TEX15: variants seen among roughly 807,000 people sequenced by gnomAD.
The protein encoded by TEX15 is testis expressed 15, meiosis and synapsis associated, also known as testis-expressed protein 15.
TEX15 carries 171 observed loss-of-function variants against 237.3 expected under a neutral mutation model. The ratio of observed to expected loss-of-function variants is 0.72; its 90% CI spans 0.64 to 0.82. The LOEUF (loss-of-function observed/expected upper bound fraction) is 0.82, where lower values mean the gene tolerates loss of function less well. TEX15 is among the 40% of genes least tolerant of loss of function. TEX15 has a pLI of 0.00. For missense variants in TEX15, 3,750 were observed against 3,646.5 expected (o/e 1.03, Z -0.73); for synonymous variants, 1,338 against 1,269.8 (o/e 1.05, Z -1.14).
At chr8:30,883,485 T>G (rs1250032756) in intron 3 of TEX15, among the ~76,000 whole-genome samples, 1 of 152,094 alleles carries the variant, frequency 6.6e-6, no homozygotes, top group African/African-American at 2.4e-5. Context: ...TTGACCTATG[T>G]CATCTAAGTT....
At chr8:30,864,143 T>C (rs907228308) in intron 5 of TEX15, among the ~76,000 whole-genome samples, 5 of 151,734 alleles carry the variant, frequency 3.3e-5, no homozygotes, top group Admixed American at 6.6e-5. Context: ...AGAAATCCAA[T>C]AGCTGAAAAG....
At chr8:30,895,743 C>T (rs927945741) in intron 2 of TEX15, among the ~76,000 whole-genome samples, 6 of 124,560 alleles carry the variant, frequency 4.8e-5, no homozygotes, top group Admixed American at 2.1e-4. Flanking sequence ...TGCAGTGGTG[C>T]GATCTCGGCT....
chr8:30,849,373 TA>T lies in TEX15; in HGVS notation c.851-58del, dbSNP rs1158601607. The T allele has an allele frequency of 3.2e-6, 3 of 938,740 alleles. No homozygotes were observed. In the Admixed American group the frequency reaches 8.5e-5, roughly 26 times the overall value. 58.2% of individuals were successfully genotyped at this position (938,740 alleles called of 1,614,324 possible). A position where few individuals can be genotyped will look rare whatever the true frequency, so the allele number is the denominator to read the frequency against. On this transcript the variant is annotated intron_variant, in intron 7 of 10. Coordinates refer to ENST00000643185, the MANE Select transcript of TEX15 (RefSeq NM_001350162.2). ...AAAAAGTGTTTCTATAGACAACTAT[TA>T]ATACAGGTACATTGTGTCCAGTAAT... is the stretch of plus-strand genomic sequence containing the variant.
At chr8:30,872,421 AGTACACAATACT>A (rs1220083296) in intron 4 of TEX15, among the ~76,000 whole-genome samples, 4 of 152,148 alleles carry the variant, frequency 2.6e-5, no homozygotes, top group African/African-American at 9.7e-5. Context: ...GATTATGTAC[AGTACACAATACT>A]TGTTAATAAT....
At chr8:30,889,778 G>GT (rs1221244512) in intron 2 of TEX15, among the ~76,000 whole-genome samples, 2 of 150,956 alleles carry the variant, frequency 1.3e-5, no homozygotes, top group Admixed American at 6.6e-5. Context: ...TTTTGTTTGG[G>GT]TTTTTTTGGT....
At chr8:30,866,805 C>T (rs1011317997) in intron 5 of TEX15, among the ~76,000 whole-genome samples, 1 of 151,856 alleles carries the variant, frequency 6.6e-6, no homozygotes. Flanking sequence ...TTAACGTTAA[C>T]ATCTTACATA....
At chr8:30,874,889 T>C in intron 4 of TEX15, 48 bp downstream of exon 4, 2 of 1,155,860 alleles carry the variant, frequency 1.7e-6, no homozygotes, top group Non-Finnish European at 2.2e-6. Context: ...AACTCCATAG[T>C]AACAAACACA....
intron 8 of TEX15, among the ~76,000 whole-genome samples, chr8:30,840,954 G>A (rs889232960): frequency 8.6e-5 from 13 of 151,942 alleles, no homozygotes; most frequent in African/African-American, 2.9e-4. Context: ...GTCTTACTCT[G>A]TCCTCCCAGC....
intron 7 of TEX15, among the ~76,000 whole-genome samples, chr8:30,854,673 C>A (rs1302706109): frequency 6.6e-6 from 1 of 152,010 alleles, no homozygotes; most frequent in Admixed American, 6.6e-5. Flanking sequence ...ACCACCAAAA[C>A]CAGACAAAGA....
At position 30,833,191 on chromosome 8, in the gene TEX15, CA is replaced by C; in HGVS notation, c.*94del. Reference sequence around the variant, plus strand: ...TGATTTATATTTCCTACCACATTTACAAACATTAAAAATCGCTAAATGTTAA... The same window carrying C: ...TGATTTATATTTCCTACCACATTTACAACATTAAAAATCGCTAAATGTTAA... On this transcript the variant is annotated 3_prime_UTR_variant, in exon 11 of 11. Transcript: ENST00000643185. 1 of 801,084 alleles carries C rather than the reference CA, an allele frequency of 1.2e-6. No homozygotes were observed. Among genetic ancestry groups the C allele is most frequent in the African/African-American group, 1.8e-5 (1 of 56,680 alleles). 49.6% of individuals were successfully genotyped at this position (801,084 alleles called of 1,614,324 possible).
At position 30,842,050 on chromosome 8, in the gene TEX15, T is replaced by C. The variant is rs747496766; in HGVS notation, c.8117A>G (p.Gln2706Arg). ...PSTVDKCEDS[Q>R]EQQQDTTVSS... ...AACAGTAGTATCTTGCTGTTGTTCC[T>C]GAGAGTCTTCACATTTGTCTACAGT... Residue 2706 changes from glutamine (Q) to arginine (R), a missense_variant, in exon 8 of 11, where the codon CAG becomes CGG. Transcript: ENST00000643185. The C allele has an allele frequency of 6.2e-7, 1 of 1,609,782 alleles. No homozygotes were observed. Among genetic ancestry groups the C allele is most frequent in the Non-Finnish European group, 8.5e-7 (1 of 1,178,944 alleles).
rs568461656 is a variant in TEX15 at position 30,887,025 on chromosome 8, A to G, written c.136+142T>C. ...CATCTATTCTATTTTGAGTGGAAAC[A>G]TAAGTACATGTATGTTTAAGGAATT... On this transcript the variant is annotated intron_variant, in intron 3 of 10. Coordinates refer to ENST00000643185, the MANE Select transcript of TEX15 (RefSeq NM_001350162.2). 4 of 663,506 alleles carry G rather than the reference A, an allele frequency of 6.0e-6. No homozygotes were observed. In the Admixed American group the frequency reaches 1.0e-4, roughly 17 times the overall value. 41.1% of individuals were successfully genotyped at this position (663,506 alleles called of 1,614,324 possible).
Position 30,846,512 on chromosome 8 carries a change from C to T in TEX15, c.3655G>A (p.Glu1219Lys). ...PFGENADYPC[E>K]DKVDNIRQES... ...TGCCTTATATTATCAACTTTATCTT[C>T]ACATGGATAATCTGCATTTTCACCA... The change falls in exon 8 of 11, where the codon GAA becomes AAA. Residue 1219 changes from glutamate to lysine, a missense_variant. Glu to Lys is a moderately conservative substitution (Grantham distance 56, BLOSUM62 1). Coordinates refer to ENST00000643185, the MANE Select transcript of TEX15 (RefSeq NM_001350162.2). 1 of 1,613,630 alleles carries T rather than the reference C, an allele frequency of 6.2e-7. No individual in the cohort carries two copies. Among genetic ancestry groups the T allele is most frequent in the Non-Finnish European group, 8.5e-7 (1 of 1,179,744 alleles).
chr8:30,849,119 T>G lies in TEX15; in HGVS notation c.1048A>C (p.Asn350His), dbSNP rs746056188. ...SNSYGNVQNGNISIPETYSGQ... is the reference protein window; with the variant it reads ...SNSYGNVQNGHISIPETYSGQ... The stretch of plus-strand genomic sequence containing the variant: ...CTGTATGTTTCAGGTATAGAAATGT[T>G]TCCATTTTGTACATTTCCATAGGAG... Residue 350 changes from asparagine (N) to histidine (H), a missense_variant, in exon 8 of 11, where the codon AAC (asparagine) becomes CAC (histidine). Transcript: ENST00000643185. The G allele has an allele frequency of 6.2e-7, 1 of 1,602,092 alleles. No homozygotes were observed.
At chr8:30,835,401 A>C (rs1359818010) in intron 10 of TEX15, among the ~76,000 whole-genome samples, 3 of 152,008 alleles carry the variant, frequency 2.0e-5, no homozygotes, top group Non-Finnish European at 4.4e-5. Context: ...AATAAAAATA[A>C]AAATTAAAAA....
chr8:30,851,805 T>G (rs1807792686), intron 7 of TEX15, among the ~76,000 whole-genome samples: 1 of 151,478 alleles, frequency 6.6e-6, no homozygotes, highest in Non-Finnish European at 1.5e-5. Flanking sequence ...TGGTGGCACA[T>G]TGCCTGTAGT....
Position 30,844,633 on chromosome 8 carries a change from C to T in TEX15, c.5534G>A (p.Trp1845Ter). Residue 1845 changes from tryptophan (W) to a stop codon, truncating the protein, a stop_gained, in exon 8 of 11, where the codon TGG (tryptophan) becomes TAG (stop). Coordinates refer to ENST00000643185, the MANE Select transcript of TEX15 (RefSeq NM_001350162.2). LOFTEE classifies it high-confidence loss of function. ...TGCTTTTTCCGCTTGTTTAACTTTCCACGTTATTCTGTCCTCAGTGTCTTT... is the reference window on the plus strand; with the variant it reads ...TGCTTTTTCCGCTTGTTTAACTTTCTACGTTATTCTGTCCTCAGTGTCTTT... ...VKKDTEDRIT[W>*]KVKQAEKAKD... is the part of the protein sequence containing the mutation. 1 of 1,613,214 alleles carries T rather than the reference C, an allele frequency of 6.2e-7. No homozygotes were observed. The highest frequency in any genetic ancestry group is 8.5e-7 in the Non-Finnish European group (1 of 1,179,558).
At chr8:30,858,225 C>A (rs577537870) in intron 7 of TEX15, among the ~76,000 whole-genome samples, 22 of 151,968 alleles carry the variant, frequency 1.4e-4, no homozygotes, top group South Asian at 4.1e-4. Flanking sequence ...GAGCAAAATA[C>A]CTGCAGTATG....
intron 1 of TEX15, among the ~76,000 whole-genome samples, chr8:30,900,721 T>C (rs1206814224): frequency 6.6e-6 from 1 of 152,034 alleles, no homozygotes; most frequent in Non-Finnish European, 1.5e-5. Flanking sequence ...GGCAAAAGAG[T>C]GGCATACAAA....
Sources: allele counts gnomAD v4.1 joint callset (sites outside exome capture counted in the v4.1 genomes callset), GRCh38; gene constraint gnomAD v4.1.1; transcripts MANE v1.5; gene names NCBI Gene and HGNC (gene_info 2026-07-23, HGNC 2026-07-21).